EYS: variants seen among roughly 807,000 people sequenced by gnomAD.
EYS encodes EGF-like photoreceptor maintenance factor.
In EYS, 250 loss-of-function variants were observed where a neutral mutation model predicts 282.1. The ratio of observed to expected loss-of-function variants is 0.89; its 90% CI spans 0.80 to 0.98. EYS has a LOEUF of 0.98. Ranked by LOEUF, EYS falls within the 50% of genes least tolerant of loss-of-function variation. The pLI is 0.00. For synonymous variants in EYS, 1,355 were observed against 1,282.9 expected (o/e 1.06, Z -1.20); for missense variants, 4,016 against 3,709.0 (o/e 1.08, Z -2.15).
At chr6:64,169,427 AGGAG>A (rs1764407385) in intron 31 of EYS, among the ~76,000 whole-genome samples, 2 of 72,514 alleles carry the variant, frequency 2.8e-5, no homozygotes, top group African/African-American at 9.5e-5. Flanking sequence ...CAATTTGAGG[AGGAG>A]TTTTTTTTTT....
chr6:65,080,475 T>C (rs1774200771), intron 12 of EYS, among the ~76,000 whole-genome samples: 1 of 152,166 alleles, frequency 6.6e-6, no homozygotes, highest in South Asian at 2.1e-4. Context: ...ACTGAAATTA[T>C]ACAACTTTTA....
intron 2 of EYS, among the ~76,000 whole-genome samples, chr6:65,629,708 C>G (rs1486567508): frequency 1.3e-5 from 2 of 152,256 alleles, no homozygotes; most frequent in Middle Eastern, 3.4e-3. Flanking sequence ...TTCCTCCTGT[C>G]TCTTTGTTTG....
At chr6:65,090,330 A>G (rs1359392392) in intron 12 of EYS, among the ~76,000 whole-genome samples, 2 of 152,132 alleles carry the variant, frequency 1.3e-5, no homozygotes, top group Admixed American at 6.6e-5. Flanking sequence ...CTTGTGAAGA[A>G]GGTGCCTTGC....
chr6:64,453,682 A>C (rs1775450531), intron 26 of EYS, among the ~76,000 whole-genome samples: 1 of 152,230 alleles, frequency 6.6e-6, no homozygotes, highest in Admixed American at 6.5e-5. Flanking sequence ...CAGCCATAAA[A>C]AATGATGAGC....
In EYS at chr6:65,088,626, A is replaced by G. The variant is rs1350925613; in HGVS notation, c.2024-30899T>C. On this transcript the variant is annotated intron_variant, in intron 12 of 42. Coordinates refer to ENST00000503581, the MANE Select transcript of EYS (RefSeq NM_001142800.2). ...AGTTCAGAAATTTTGCAGCCTGACC[A>G]TGAGGTAGAAAAGAAAAACCCATTT... Among the ~76,000 whole-genome samples, 8 of 152,300 alleles carry G rather than the reference A, an allele frequency of 5.3e-5. No homozygotes were observed. In the East Asian group the frequency reaches 1.5e-3, roughly 29 times the overall value.
chr6:64,703,370 AACACACACACAGACACAC>A (rs1770854548), intron 22 of EYS, among the ~76,000 whole-genome samples: 1 of 80,314 alleles, frequency 1.2e-5, no homozygotes, highest in South Asian at 5.3e-4. Flanking sequence ...TACACATACA[AACACACACACAGACACAC>A]ACACACACAC....
At chr6:64,317,038 C>T (rs989412318) in intron 29 of EYS, among the ~76,000 whole-genome samples, 1 of 152,126 alleles carries the variant, frequency 6.6e-6, no homozygotes, top group South Asian at 2.1e-4. Context: ...TGGATCCCCT[C>T]CTTACACCTT....
In EYS at chr6:64,626,144, C is replaced by G. The variant is rs1421021205; in HGVS notation, c.3545G>C (p.Gly1182Ala). 2 of 1,544,648 alleles carry G rather than the reference C, an allele frequency of 1.3e-6. No homozygotes were observed. Among genetic ancestry groups the G allele is most frequent in the African/African-American group, 2.7e-5 (2 of 72,814 alleles). Residue 1182 changes from glycine (G) to alanine (A), a missense_variant, in exon 23 of 43, where the codon GGA (glycine) becomes GCA (alanine). By Grantham distance (60) the Gly-to-Ala change is moderately conservative (BLOSUM62 0). Coordinates refer to ENST00000503581, the MANE Select transcript of EYS (RefSeq NM_001142800.2). The part of the protein sequence containing the change: ...HGADCEDHIN[G>A]YVCKCQPGWS... ...ACCTGGTTGGCATTTGCAAACATAT[C>G]CATTGATGTGATCTTCACAGTCTGC...
intron 1 of EYS, among the ~76,000 whole-genome samples, chr6:65,656,092 C>G (rs1046668069): frequency 6.6e-6 from 1 of 151,746 alleles, no homozygotes; most frequent in Non-Finnish European, 1.5e-5. Flanking sequence ...ACAAACCATG[C>G]CCATATAAGA....
intron 13 of EYS, among the ~76,000 whole-genome samples, chr6:65,049,222 T>G (rs1429745527): frequency 1.3e-5 from 2 of 151,786 alleles, no homozygotes; most frequent in African/African-American, 2.4e-5. Flanking sequence ...GCCCCTAATA[T>G]TCCTTGGGTG....
intron 2 of EYS, among the ~76,000 whole-genome samples, chr6:65,549,483 T>G (rs371808890): frequency 2.0e-5 from 3 of 152,218 alleles, no homozygotes; most frequent in Admixed American, 2.0e-4. Flanking sequence ...TGCTCATTAC[T>G]GCTGTGTGTA....
At position 63,987,301 on chromosome 6, in the gene EYS, A is replaced by G. The variant is rs962421429; in HGVS notation, c.6835-2698T>C. On this transcript the variant is annotated intron_variant, in intron 34 of 42. Transcript: ENST00000503581. ...TTGTATAAAAACTCTAGAACCCCCC[A>G]GTGTGTGGTGAGATGTACCACTGTC... Among the ~76,000 whole-genome samples, 6 of 151,618 alleles carry G rather than the reference A, an allele frequency of 4.0e-5. No individual in the cohort carries two copies. In the South Asian group the frequency reaches 1.2e-3, roughly 31 times the overall value.
At position 64,307,073 on chromosome 6, in the gene EYS, G is replaced by A. The variant is rs1156781130; in HGVS notation, c.6088C>T (p.Pro2030Ser). ...DLHGKIQMPV[P>S]VKNFTGCIEV... ...ATGCAGCCAGTAAAATTCTTGACTG[G>A]TACAGGCATCTGAGAGAGAGAGAGA... The change falls in exon 30 of 43, where the codon CCA becomes TCA. Residue 2030 changes from proline to serine, a missense_variant. Transcript: ENST00000503581. 1 of 1,416,710 alleles carries A rather than the reference G, an allele frequency of 7.1e-7. No individual in the cohort carries two copies. Among genetic ancestry groups the A allele is most frequent in the Non-Finnish European group, 9.7e-7 (1 of 1,036,220 alleles). 87.8% of individuals were successfully genotyped at this position (1,416,710 alleles called of 1,614,324 possible).
chr6:65,575,865 C>T (rs1007252501), intron 2 of EYS, among the ~76,000 whole-genome samples: 6 of 151,938 alleles, frequency 3.9e-5, no homozygotes, highest in African/African-American at 1.4e-4. Flanking sequence ...TTCCTAGACA[C>T]ATACAAAATA....
At chr6:64,757,888 C>A (rs1057391207) in intron 22 of EYS, among the ~76,000 whole-genome samples, 1 of 151,884 alleles carries the variant, frequency 6.6e-6, no homozygotes, top group Non-Finnish European at 1.5e-5. Context: ...GGCTTCACGC[C>A]GTTCTCCTGC....
At position 64,043,963 on chromosome 6, in the gene EYS, G is replaced by A. The variant is rs74604408; in HGVS notation, c.6725+22375C>T. On this transcript the variant is annotated intron_variant, in intron 33 of 42. Transcript: ENST00000503581. ...TTCATTGTTATTTTCAACTCCACAC[G>A]TAACTTGAGGAACTTTTCATGAAAA... Among the ~76,000 whole-genome samples the A allele has an allele frequency of 5.3e-3, 808 of 152,210 alleles. 6 individuals are homozygous for A. Among genetic ancestry groups the A allele is most frequent in the African/African-American group, 0.019 (772 of 41,520 alleles).
chr6:64,438,727 GATCT>G (rs1774832809), intron 27 of EYS, among the ~76,000 whole-genome samples: 1 of 151,592 alleles, frequency 6.6e-6, no homozygotes, highest in Non-Finnish European at 1.5e-5. Flanking sequence ...TATATAAACT[GATCT>G]ATCAGTATGA....
At chr6:63,983,163 T>C (rs772025151) in intron 35 of EYS, among the ~76,000 whole-genome samples, 4 of 151,756 alleles carry the variant, frequency 2.6e-5, no homozygotes, top group Non-Finnish European at 5.9e-5. Context: ...TCTTTAAATC[T>C]GTATCCATTG....
chr6:64,837,183 T>C (rs2150032118), intron 19 of EYS, among the ~76,000 whole-genome samples: 1 of 141,004 alleles, frequency 7.1e-6, no homozygotes, highest in Admixed American at 7.5e-5. Flanking sequence ...ATCTGCAATT[T>C]CCATTTTTTA....
Sources: allele counts gnomAD v4.1 joint callset (sites outside exome capture counted in the v4.1 genomes callset), GRCh38; gene constraint gnomAD v4.1.1; transcripts MANE v1.5; gene names NCBI Gene and HGNC (gene_info 2026-07-23, HGNC 2026-07-21).